The following MBD5 variants were observed in gnomAD, a reference collection of about 807,000 sequenced individuals.
MBD5 encodes the protein methyl-CpG-binding domain protein 5.
Under a neutral mutation model 117.3 loss-of-function variants are expected in MBD5, and 13 were observed. The observed-to-expected ratio is 0.11, with a 90% CI of 0.07 to 0.18. The LOEUF is 0.18. MBD5 is among the 10% of genes least tolerant of loss of function. The pLI is 1.00. For synonymous variants in MBD5, 727 were observed against 766.4 expected (o/e 0.95, Z 0.85); for missense variants, 1,879 against 2,093.8 (o/e 0.90, Z 2.00).
intron 12 of MBD5, among the ~76,000 whole-genome samples, chr2:148,507,586 C>T (rs1048830147): frequency 6.6e-6 from 1 of 150,592 alleles, no homozygotes; most frequent in Non-Finnish European, 1.5e-5. Flanking sequence ...GGTGAAACCC[C>T]GTCTCTACTA....
chr2:148,248,929 T>C (rs1700405367), intron 3 of MBD5, among the ~76,000 whole-genome samples: 2 of 152,128 alleles, frequency 1.3e-5, no homozygotes, highest in African/African-American at 2.4e-5. Context: ...TCAATAAGTA[T>C]ACTGGGATCA....
intron 11 of MBD5, among the ~76,000 whole-genome samples, chr2:148,498,771 C>T (rs1319849768): frequency 6.6e-6 from 1 of 152,180 alleles, no homozygotes; most frequent in Non-Finnish European, 1.5e-5. Flanking sequence ...GACACCAAAT[C>T]AAAAACTTAG....
At chr2:148,281,028 C>T (rs1701233087) in intron 3 of MBD5, among the ~76,000 whole-genome samples, 1 of 152,096 alleles carries the variant, frequency 6.6e-6, no homozygotes, top group Non-Finnish European at 1.5e-5. Context: ...TGATTTTGTC[C>T]TTGCTCTGTG....
At chr2:148,360,321 C>T (rs560152858) in intron 4 of MBD5, among the ~76,000 whole-genome samples, 1 of 152,196 alleles carries the variant, frequency 6.6e-6, no homozygotes, top group Non-Finnish European at 1.5e-5. Context: ...TTTGGATTAA[C>T]AACACATTTA....
At chr2:148,120,067 C>T (rs1696731923) in intron 1 of MBD5, among the ~76,000 whole-genome samples, 1 of 152,154 alleles carries the variant, frequency 6.6e-6, no homozygotes, top group Non-Finnish European at 1.5e-5. Flanking sequence ...CAGGCGCACG[C>T]CACCATGCCT....
rs761391043 is a variant in MBD5 at position 148,512,992 on chromosome 2, T to C, written c.*51T>C. On this transcript the variant is annotated 3_prime_UTR_variant, in exon 14 of 14. Transcript: ENST00000642680. ...TGTTTATTAAAGGAACATGCACAGATGTATCTGTATATAGGTATTGATATA... is the reference window on the plus strand; with the variant it reads ...TGTTTATTAAAGGAACATGCACAGACGTATCTGTATATAGGTATTGATATA... 2 of 1,504,922 alleles carry C rather than the reference T, an allele frequency of 1.3e-6. No homozygotes were observed. The highest frequency in any genetic ancestry group is 2.3e-5 in the South Asian group (2 of 88,880). The allele number at this position is 1,504,922 out of a possible 1,614,324, so 93.2% of individuals were successfully genotyped here. A position where few individuals can be genotyped will look rare whatever the true frequency, so the allele number is the denominator to read the frequency against.
intron 1 of MBD5, among the ~76,000 whole-genome samples, chr2:148,177,117 G>A (rs1698410198): frequency 1.3e-5 from 2 of 152,114 alleles, no homozygotes; most frequent in South Asian, 4.1e-4. Flanking sequence ...TTTACTATAT[G>A]TTCAAAGTTC....
intron 3 of MBD5, among the ~76,000 whole-genome samples, chr2:148,261,620 T>C (rs1446407069): frequency 6.6e-6 from 1 of 152,246 alleles, no homozygotes; most frequent in African/African-American, 2.4e-5. Context: ...TAAAACTGTT[T>C]ATCAGCAAAA....
chr2:148,104,382 A>G (rs1455469363), intron 1 of MBD5, among the ~76,000 whole-genome samples: 1 of 152,184 alleles, frequency 6.6e-6, no homozygotes, highest in Non-Finnish European at 1.5e-5. Context: ...GTGTTTGCAG[A>G]GGAAAAGGCC....
At chr2:148,436,248 A>G (rs1476837048) in intron 4 of MBD5, among the ~76,000 whole-genome samples, 5 of 152,222 alleles carry the variant, frequency 3.3e-5, no homozygotes, top group African/African-American at 7.2e-5. Context: ...CTCCTGTCTG[A>G]TCAGGCTCTT....
At chr2:148,160,215 T>A (rs930850898) in intron 1 of MBD5, among the ~76,000 whole-genome samples, 1 of 151,760 alleles carries the variant, frequency 6.6e-6, no homozygotes, top group Non-Finnish European at 1.5e-5. Flanking sequence ...CTGGCCAACA[T>A]GATGAAACCC....
At chr2:148,429,607 C>T (rs1366884424) in intron 4 of MBD5, among the ~76,000 whole-genome samples, 1 of 152,210 alleles carries the variant, frequency 6.6e-6, no homozygotes, top group Non-Finnish European at 1.5e-5. Context: ...AAATGCTCAT[C>T]AATGATAGAC....
intron 1 of MBD5, among the ~76,000 whole-genome samples, chr2:148,037,649 AT>A (rs1435291879): frequency 2.0e-5 from 3 of 151,982 alleles, no homozygotes; most frequent in African/African-American, 7.2e-5. Flanking sequence ...AAAAAACAGA[AT>A]GTGCAGTGTA....
intron 3 of MBD5, among the ~76,000 whole-genome samples, chr2:148,271,088 T>C (rs1397631854): frequency 6.6e-6 from 1 of 152,204 alleles, no homozygotes; most frequent in Non-Finnish European, 1.5e-5. Flanking sequence ...GCTGCCTTTA[T>C]TTTTATTGTT....
chr2:148,152,419 A>G (rs1697706530), intron 1 of MBD5, among the ~76,000 whole-genome samples: 1 of 152,074 alleles, frequency 6.6e-6, no homozygotes. Flanking sequence ...TATTCTGTTG[A>G]TTTGGGGTGG....
intron 3 of MBD5, among the ~76,000 whole-genome samples, chr2:148,267,637 G>A (rs1196874555): frequency 2.6e-5 from 4 of 152,014 alleles, no homozygotes; most frequent in Admixed American, 2.6e-4. Context: ...CATATGAATG[G>A]ATATTTTTAT....
At chr2:148,263,430 T>C (rs562218352) in intron 3 of MBD5, among the ~76,000 whole-genome samples, 1 of 152,286 alleles carries the variant, frequency 6.6e-6, no homozygotes, top group African/African-American at 2.4e-5. Context: ...AGATTATTAA[T>C]ACTTAAAAGT....
At chr2:148,113,934 A>T in intron 1 of MBD5, among the ~76,000 whole-genome samples, 1 of 152,024 alleles carries the variant, frequency 6.6e-6, no homozygotes, top group East Asian at 1.9e-4. Context: ...TTGTTACCTG[A>T]TTCTTTTCAT....
intron 1 of MBD5, among the ~76,000 whole-genome samples, chr2:148,124,488 G>T (rs559386442): frequency 6.6e-6 from 1 of 152,152 alleles, no homozygotes; most frequent in South Asian, 2.1e-4. Context: ...TGAGGTGGAA[G>T]GATTGCCTGA....
Sources: allele counts gnomAD v4.1 joint callset (sites outside exome capture counted in the v4.1 genomes callset), GRCh38; gene constraint gnomAD v4.1.1; transcripts MANE v1.5; gene names NCBI Gene and HGNC (gene_info 2026-07-23, HGNC 2026-07-21).